RIT2: variants seen among roughly 807,000 people sequenced by gnomAD.
The protein encoded by RIT2 is Ras like without CAAX 2, also known as GTP-binding protein Rit2.
A neutral mutation model predicts 23.7 loss-of-function variants in RIT2; 24 were observed. The ratio of observed to expected loss-of-function variants is 1.01; its 90% CI spans 0.73 to 1.43. RIT2 has a LOEUF of 1.43. RIT2 is among the 40% of genes most tolerant of loss of function. RIT2 has a pLI of 0.00. For synonymous variants in RIT2, 107 were observed against 91.1 expected, an observed-to-expected ratio of 1.17 and a Z score of -0.99; for missense variants, 236 against 266.9, an observed-to-expected ratio of 0.88 and a Z score of 0.81.
At chr18:42,866,059 T>C (rs1232027881) in intron 4 of RIT2, among the ~76,000 whole-genome samples, 1 of 152,182 alleles carries the variant, frequency 6.6e-6, no homozygotes. Flanking sequence ...CTATTTCTTT[T>C]GTGTAAAGCC....
intron 4 of RIT2, among the ~76,000 whole-genome samples, chr18:42,780,051 T>TTTTG (rs1913772440): frequency 7.9e-6 from 1 of 127,346 alleles, no homozygotes; most frequent in Admixed American, 8.2e-5. Flanking sequence ...TTAGAGGTTT[T>TTTTG]TTTTTTTTTT....
At chr18:42,804,319 C>A (rs1272447043) in intron 4 of RIT2, among the ~76,000 whole-genome samples, 1 of 151,858 alleles carries the variant, frequency 6.6e-6, no homozygotes, top group Admixed American at 6.6e-5. Context: ...TTTGGGAGGC[C>A]AAGGTGGGTG....
intron 4 of RIT2, among the ~76,000 whole-genome samples, chr18:42,781,055 G>C (rs915010755): frequency 6.6e-5 from 10 of 151,950 alleles, no homozygotes; most frequent in Non-Finnish European, 1.2e-4. Flanking sequence ...ATACTTTACT[G>C]CTTACTTGAC....
At chr18:43,092,370 G>T (rs1172650702) in intron 1 of RIT2, among the ~76,000 whole-genome samples, 1 of 152,044 alleles carries the variant, frequency 6.6e-6, no homozygotes, top group African/African-American at 2.4e-5. Context: ...GCCTGACCAG[G>T]TCACAAAATT....
intron 4 of RIT2, among the ~76,000 whole-genome samples, chr18:42,861,477 T>A (rs1907326142): frequency 6.6e-6 from 1 of 152,212 alleles, no homozygotes; most frequent in Non-Finnish European, 1.5e-5. Flanking sequence ...ATTGGGTACT[T>A]ATTTCAGACT....
At chr18:43,018,441 A>G (rs6507508) in intron 2 of RIT2, among the ~76,000 whole-genome samples, 145,953 of 151,916 alleles carry the variant, frequency 0.96, 70,366 homozygotes, top group East Asian at 1. Flanking sequence ...AGAAGTGATT[A>G]CATATAAAAA....
chr18:42,993,877 ACAG>A (rs1910914137), intron 2 of RIT2, among the ~76,000 whole-genome samples: 1 of 152,010 alleles, frequency 6.6e-6, no homozygotes, highest in African/African-American at 2.4e-5. Flanking sequence ...ATCCCATCCC[ACAG>A]CATGCTTTAA....
intron 1 of RIT2, among the ~76,000 whole-genome samples, chr18:43,074,170 A>G (rs1912960434): frequency 6.6e-6 from 1 of 152,234 alleles, no homozygotes. Flanking sequence ...AGTGGCAGTA[A>G]TTAGAAAGTA....
intron 2 of RIT2, among the ~76,000 whole-genome samples, chr18:42,985,556 T>C (rs539382529): frequency 1.3e-5 from 2 of 152,198 alleles, no homozygotes; most frequent in South Asian, 2.1e-4. Flanking sequence ...GGTAGAAAAA[T>C]AAACAGAATA....
chr18:43,012,139 A>C (rs1033360351), intron 2 of RIT2, among the ~76,000 whole-genome samples: 2 of 151,838 alleles, frequency 1.3e-5, no homozygotes, highest in African/African-American at 2.4e-5. Context: ...AAGTTTCTTT[A>C]GTGATCATCT....
At chr18:42,878,486 CAG>C (rs1032680342) in intron 4 of RIT2, among the ~76,000 whole-genome samples, 7 of 151,806 alleles carry the variant, frequency 4.6e-5, no homozygotes, top group African/African-American at 1.4e-4. Context: ...CTTACTATCT[CAG>C]GGGTGAAAGA....
At chr18:42,911,243 C>A (rs1008327332) in intron 4 of RIT2, among the ~76,000 whole-genome samples, 2 of 151,634 alleles carry the variant, frequency 1.3e-5, no homozygotes, top group African/African-American at 4.8e-5. Context: ...TAAAAATAAA[C>A]ACAAAATATA....
intron 1 of RIT2, among the ~76,000 whole-genome samples, chr18:43,037,088 C>A (rs1312152841): frequency 6.6e-6 from 1 of 152,144 alleles, no homozygotes; most frequent in Non-Finnish European, 1.5e-5. Flanking sequence ...ATTGTACTGA[C>A]TTTATAATAT....
intron 1 of RIT2, among the ~76,000 whole-genome samples, chr18:43,063,080 G>A (rs1324458932): frequency 1.3e-5 from 2 of 152,138 alleles, no homozygotes; most frequent in Admixed American, 1.3e-4. Flanking sequence ...CAACAGAACA[G>A]ATTTAGATCA....
chr18:43,092,237 G>T (rs1300287531), intron 1 of RIT2, among the ~76,000 whole-genome samples: 2 of 152,090 alleles, frequency 1.3e-5, no homozygotes, highest in Non-Finnish European at 2.9e-5. Context: ...ACTCTGTAGA[G>T]CTCTGACTCT....
At chr18:43,006,323 AAAG>A (rs1179013713) in intron 2 of RIT2, among the ~76,000 whole-genome samples, 1 of 151,476 alleles carries the variant, frequency 6.6e-6, no homozygotes, top group Non-Finnish European at 1.5e-5. Context: ...AGAAGAAGAA[AAAG>A]AAGAAAGAGG....
intron 4 of RIT2, among the ~76,000 whole-genome samples, chr18:42,780,399 A>C (rs1007642624): frequency 2.0e-5 from 3 of 152,046 alleles, no homozygotes; most frequent in Admixed American, 2.0e-4. Context: ...GATTCCTGTC[A>C]TGTAGATGGC....
intron 3 of RIT2, among the ~76,000 whole-genome samples, chr18:42,960,900 A>G (rs769822858): frequency 6.6e-6 from 1 of 152,170 alleles, no homozygotes; most frequent in Non-Finnish European, 1.5e-5. Flanking sequence ...CTCTCAAAAC[A>G]TTATGTATTT....
chr18:43,013,554 G>A (rs1911401598), intron 2 of RIT2, among the ~76,000 whole-genome samples: 1 of 151,608 alleles, frequency 6.6e-6, no homozygotes. Context: ...CCATCATTTG[G>A]GGCCGAGATT....
Sources: allele counts gnomAD v4.1 joint callset (sites outside exome capture counted in the v4.1 genomes callset), GRCh38; gene constraint gnomAD v4.1.1; transcripts MANE v1.5; gene names NCBI Gene and HGNC (gene_info 2026-07-23, HGNC 2026-07-21).